The following CLTC variants were observed in gnomAD, a reference collection of about 807,000 sequenced individuals.
CLTC encodes the protein clathrin heavy chain, also known as clathrin heavy chain 1.
Under a neutral mutation model 195.8 loss-of-function variants are expected in CLTC, and 16 were observed. The observed-to-expected ratio is 0.08, with a 90% confidence interval of 0.06 to 0.12. CLTC has a LOEUF of 0.12. Ranked by LOEUF, CLTC falls within the 10% of genes least tolerant of loss-of-function variation. CLTC has a pLI of 1.00. For synonymous variants in CLTC, 667 were observed against 689.4 expected (o/e 0.97, Z 0.51); for missense variants, 796 against 2,027.0 (o/e 0.39, Z 11.66).
intron 1 of CLTC, 66 bp from the exon 2 acceptor site, chr17:59,644,210 G>T: frequency 8.1e-7 from 1 of 1,232,790 alleles, no homozygotes; most frequent in Non-Finnish European, 1.2e-6. Context: ...TTGTGTTGAT[G>T]AGCATATATG....
rs1198004643 is a variant in CLTC, at chr17:59,681,867, A to G, written c.3442+28A>G. 6.4e-7 allele frequency: 1 copy of G among 1,558,626 alleles called. No homozygotes were observed. The highest frequency in any genetic ancestry group is 2.3e-5 in the East Asian group (1 of 44,424). On this transcript the variant is annotated intron_variant, in intron 21 of 31. Transcript: ENST00000269122. The surrounding 1 kb of genome is among the most constrained non-coding windows in gnomAD (Gnocchi z 5.0). ...ATGACTTCTTACCTTATGTATTGAA[A>G]CCTCATAAAATGATTAAGCTAAGCA...
intron 1 of CLTC, among the ~76,000 whole-genome samples, chr17:59,626,721 C>T (rs892653807): frequency 9.2e-5 from 14 of 152,188 alleles, no homozygotes; most frequent in African/African-American, 3.1e-4. Context: ...GTTTACAGCT[C>T]TGGGTGTCTT....
At chr17:59,657,383 AT>A (rs1243843928) in intron 6 of CLTC, among the ~76,000 whole-genome samples, 2 of 152,184 alleles carry the variant, frequency 1.3e-5, no homozygotes, top group Admixed American at 1.3e-4. Flanking sequence ...AGTAAATTAT[AT>A]TTCTAGCACC....
intron 13 of CLTC, among the ~76,000 whole-genome samples, chr17:59,667,277 A>C (rs2143557683): frequency 6.6e-6 from 1 of 152,290 alleles, no homozygotes; most frequent in East Asian, 1.9e-4. Flanking sequence ...AGTGTCCCTA[A>C]TCTGAAAATC....
rs894692184 is a variant in CLTC, at chr17:59,679,492, T to A, written c.2892T>A (p.Asn964Lys). 2 of 1,607,598 alleles carry A rather than the reference T, an allele frequency of 1.2e-6. No homozygotes were observed. The highest frequency in any genetic ancestry group is 2.7e-5 in the African/African-American group (2 of 74,820). ...GGGGCAGCGTGCTGCTGGAAAGCAA[T>A]CCTTACAGGAGACCCCTAATTGACC... The part of the protein sequence containing the change: ...ELWGSVLLES[N>K]PYRRPLIDQV... Residue 964 changes from asparagine to lysine, a missense_variant, in exon 18 of 32, where the codon AAT (asparagine) becomes AAA (lysine). Around this residue, in one of 9 missense-constraint regions of CLTC, gnomAD observed 160 missense variants for 448.2 expected, o/e 0.36. Transcript: ENST00000269122.
chr17:59,620,644 A>C, intron 1 of CLTC, among the ~76,000 whole-genome samples: 1 of 147,686 alleles, frequency 6.8e-6, no homozygotes, highest in Non-Finnish European at 1.5e-5. Context: ...GTTGGGGAGG[A>C]GCAACCTTTT....
At chr17:59,643,977 G>C (rs1035087261) in intron 1 of CLTC, among the ~76,000 whole-genome samples, 1 of 152,126 alleles carries the variant, frequency 6.6e-6, no homozygotes, top group Non-Finnish European at 1.5e-5. Flanking sequence ...AATAAATCAA[G>C]AAACTCAATT....
At chr17:59,643,462 C>CT (rs2032102274) in intron 1 of CLTC, among the ~76,000 whole-genome samples, 2 of 152,286 alleles carry the variant, frequency 1.3e-5, no homozygotes, top group East Asian at 3.9e-4. Flanking sequence ...CAAAGCAAAT[C>CT]TAATTCCATT....
chr17:59,627,272 G>A (rs2143444330), intron 1 of CLTC, among the ~76,000 whole-genome samples: 1 of 152,186 alleles, frequency 6.6e-6, no homozygotes, highest in Non-Finnish European at 1.5e-5. Context: ...AAATACATGG[G>A]CCATTATAGT....
chr17:59,640,375 T>C (rs1020797594), intron 1 of CLTC, among the ~76,000 whole-genome samples: 3 of 151,764 alleles, frequency 2.0e-5, no homozygotes, highest in African/African-American at 7.3e-5. Context: ...TTTAACCTTC[T>C]CTTAGCCAAT....
rs2032131519 is a variant in CLTC, at chr17:59,644,497, TG to T, written c.250+17del. 5.0e-6 allele frequency: 8 copies of T among 1,597,928 alleles called. No individual in the cohort carries two copies. The East Asian group carries it at 1.8e-4, about 36-fold the overall frequency. On this transcript the variant is annotated intron_variant, in intron 2 of 31. Transcript: ENST00000269122. ...TTGCACTGAAAGGTATAAAAGAATGTGGGTTTTCCTTAAAACTCTTCCTATG... is the reference window on the plus strand; with the variant it reads ...TTGCACTGAAAGGTATAAAAGAATGTGGTTTTCCTTAAAACTCTTCCTATG...
chr17:59,638,348 A>G (rs1268465290), intron 1 of CLTC, among the ~76,000 whole-genome samples: 1 of 152,076 alleles, frequency 6.6e-6, no homozygotes, highest in Non-Finnish European at 1.5e-5. Context: ...AAAAAAAAAC[A>G]GAAGGCAATA....
chr17:59,639,313 AC>A (rs2031960660), intron 1 of CLTC, among the ~76,000 whole-genome samples: 1 of 152,146 alleles, frequency 6.6e-6, no homozygotes, highest in Admixed American at 6.5e-5. Flanking sequence ...TCATAGTATA[AC>A]CTTTTGTAAG....
rs543713933 is a variant in CLTC at position 59,625,481 on chromosome 17, C to T, written c.42+5308C>T. ...TTCAGACCCTATTTTCTTTGGAAAT[C>T]CTGGTCCGTATTTAGAGTTCATAAA... is the stretch of plus-strand genomic sequence containing the variant. On this transcript the variant is annotated intron_variant, in intron 1 of 31. Coordinates refer to ENST00000269122, the MANE Select transcript of CLTC (RefSeq NM_004859.4). Among the ~76,000 whole-genome samples the T allele has an allele frequency of 9.5e-4, 145 of 152,102 alleles. 1 individual carries two copies. The highest frequency in any genetic ancestry group is 3.5e-3 in the African/African-American group (144 of 41,506).
rs765997640 is a variant in CLTC at position 59,648,748 on chromosome 17, G to A, written c.681+347G>A. The A allele has an allele frequency of 6.9e-4, 127 of 183,886 alleles. No individual in the cohort carries two copies. Among genetic ancestry groups the A allele is most frequent in the Non-Finnish European group, 1.4e-3 (119 of 87,374 alleles). 11.4% of individuals were successfully genotyped at this position (183,886 alleles called of 1,614,324 possible). A position where few individuals can be genotyped will look rare whatever the true frequency, so the allele number is the denominator to read the frequency against. The stretch of plus-strand genomic sequence containing the variant: ...GTCACTCTGTTGCCCAGGCTGGAGT[G>A]CAGTGGCGCAGTCATGGGCTCACTG... On this transcript the variant is annotated intron_variant, in intron 4 of 31. Coordinates refer to ENST00000269122, the MANE Select transcript of CLTC (RefSeq NM_004859.4). The surrounding 1 kb of genome is among the most constrained non-coding windows in gnomAD (Gnocchi z 4.5).
chr17:59,625,781 C>T (rs114463706), intron 1 of CLTC, among the ~76,000 whole-genome samples: 1,599 of 152,262 alleles, frequency 0.011, 24 homozygotes, highest in African/African-American at 0.036. Flanking sequence ...TTTAAAATTA[C>T]GGTAACCACA....
chr17:59,642,147 C>T lies in CLTC; in HGVS notation c.43-2129C>T, dbSNP rs544557210. Among the ~76,000 whole-genome samples the T allele has an allele frequency of 2.0e-5, 3 of 151,934 alleles. No homozygotes were observed. The East Asian group carries it at 5.8e-4, about 29-fold the overall frequency. ...CAGGTTTTTGACTTTCCTTTTTCCT[C>T]CTCATTGTTTTCTGATAGTGTTTTC... is the stretch of plus-strand genomic sequence containing the variant. On this transcript the variant is annotated intron_variant, in intron 1 of 31. Coordinates refer to ENST00000269122, the MANE Select transcript of CLTC (RefSeq NM_004859.4).
At chr17:59,690,776 C>T (rs2033278415) in intron 31 of CLTC, 65 bp downstream of exon 31, 1 of 1,231,428 alleles carries the variant, frequency 8.1e-7, no homozygotes, top group African/African-American at 1.5e-5. Context: ...GAGACTGTGC[C>T]TCAAAATAGA....
Position 59,666,143 on chromosome 17 carries a change from G to A in CLTC, c.1685G>A (p.Cys562Tyr). ...VFMEYNLIQQ[C>Y]TAFLLDALKN... Reference sequence around the variant, plus strand: ...ATGGAATACAATCTAATTCAGCAGTGTACTGCATTCTTGCTTGATGCTCTG... The same window carrying A: ...ATGGAATACAATCTAATTCAGCAGTATACTGCATTCTTGCTTGATGCTCTG... Residue 562 changes from cysteine to tyrosine, a missense_variant, in exon 11 of 32, where the codon TGT (cysteine) becomes TAT (tyrosine). Physicochemically the swap from Cys to Tyr is radical, Grantham distance 194 (BLOSUM62 -2). Coordinates refer to ENST00000269122, the MANE Select transcript of CLTC (RefSeq NM_004859.4). This position sits in a 1 kb window ranked among gnomAD's most constrained non-coding sequence, Gnocchi z 4.9. 1 of 1,612,508 alleles carries A rather than the reference G, an allele frequency of 6.2e-7. No individual in the cohort carries two copies. The highest frequency in any genetic ancestry group is 8.5e-7 in the Non-Finnish European group (1 of 1,178,576).
Sources: allele counts gnomAD v4.1 joint callset (sites outside exome capture counted in the v4.1 genomes callset), GRCh38; gene constraint gnomAD v4.1.1; regional missense constraint gnomAD v4.1.1; non-coding constraint Gnocchi (gnomAD v3.1); transcripts MANE v1.5; gene names NCBI Gene and HGNC (gene_info 2026-07-23, HGNC 2026-07-21).